PTPRE: variants seen among roughly 807,000 people sequenced by gnomAD.
PTPRE encodes the protein protein tyrosine phosphatase receptor type E.
Under a neutral mutation model 102.0 loss-of-function variants are expected in PTPRE, and 51 were observed. The observed-to-expected ratio is 0.50, with a 90% CI of 0.40 to 0.63. The LOEUF is 0.63. PTPRE is among the 30% of genes least tolerant of loss of function. The probability of loss-of-function intolerance (pLI) is 0.00; values close to 1 mark genes in which losing one functional copy is unlikely to be tolerated. For synonymous variants in PTPRE, 345 were observed against 348.2 expected, an observed-to-expected ratio of 0.99 and a Z score of 0.10; for missense variants, 752 against 915.1, an observed-to-expected ratio of 0.82 and a Z score of 2.30.
At chr10:127,925,448 C>T (rs10830196) in intron 1 of PTPRE, among the ~76,000 whole-genome samples, 50,873 of 151,992 alleles carry the variant, frequency 0.33, 10,312 homozygotes, top group African/African-American at 0.56. Context: ...GGCAATATCC[C>T]GGATCTGACT....
Position 127,919,068 on chromosome 10 carries a change from G to T in PTPRE, c.-31+11759G>T, listed in dbSNP as rs551362599. Among the ~76,000 whole-genome samples, 11 of 152,254 alleles carry T rather than the reference G, an allele frequency of 7.2e-5. No individual in the cohort carries two copies. The South Asian group carries it at 2.3e-3, about 32-fold the overall frequency. ...TTTTGTACCTTTATTTTACACATCA[G>T]ACCTTACCCAGGTACCATTCTGTGC... On this transcript the variant is annotated intron_variant, in intron 1 of 20. Transcript: ENST00000254667.
At position 128,070,845 on chromosome 10, in the gene PTPRE, G is replaced by A; in HGVS notation, c.1331G>A (p.Arg444Lys). 6.2e-7 allele frequency: 1 copy of A among 1,614,168 alleles called. No homozygotes were observed. The highest frequency in any genetic ancestry group is 1.3e-5 in the African/African-American group (1 of 75,058). The change falls in exon 15 of 21, where the codon AGG becomes AAG. Residue 444 changes from arginine (R) to lysine (K), a missense_variant. By Grantham distance (26) the Arg-to-Lys change is conservative. Coordinates refer to ENST00000254667, the MANE Select transcript of PTPRE (RefSeq NM_006504.6). The surrounding 1 kb of genome is among the most constrained non-coding windows in gnomAD (Gnocchi z 4.8). ...TNVRIMKENM[R>K]TGNLPANMKK... ...GTCCGGATCATGAAGGAGAACATGAGGACGGGCAACTTGCCGGCAAACATG... is the reference window on the plus strand; with the variant it reads ...GTCCGGATCATGAAGGAGAACATGAAGACGGGCAACTTGCCGGCAAACATG...
At chr10:128,038,771 C>T (rs1847435109) in intron 2 of PTPRE, among the ~76,000 whole-genome samples, 1 of 152,030 alleles carries the variant, frequency 6.6e-6, no homozygotes, top group African/African-American at 2.4e-5. Flanking sequence ...CAAAACTGCA[C>T]GTTGTGCACA....
chr10:127,907,126 G>A lies in PTPRE; in HGVS notation c.-214G>A, dbSNP rs1282122215. The A allele has an allele frequency of 3.4e-5, 11 of 323,752 alleles. No individual in the cohort carries two copies. The highest frequency in any genetic ancestry group is 6.5e-5 in the Admixed American group (1 of 15,390). The allele number at this position is 323,752 out of a possible 1,614,324, so 20.1% of individuals were successfully genotyped here. ...CCGGACAAATTTCCTGCTAGGCTGC[G>A]GACAGCGGGCGGCAGGAGCCGGCGC... On this transcript the variant is annotated 5_prime_UTR_variant, in exon 1 of 21. Coordinates refer to ENST00000254667, the MANE Select transcript of PTPRE (RefSeq NM_006504.6). This position sits in a 1 kb window ranked among gnomAD's most constrained non-coding sequence, Gnocchi z 4.8.
intron 1 of PTPRE, among the ~76,000 whole-genome samples, chr10:127,954,488 G>A (rs907741776): frequency 1.3e-5 from 2 of 152,124 alleles, no homozygotes; most frequent in African/African-American, 4.8e-5. Context: ...CAACCATCAC[G>A]GCATTCTGCA....
intron 18 of PTPRE, 21 bp from the exon 19 acceptor site, chr10:128,077,596 G>A: frequency 6.3e-7 from 1 of 1,588,920 alleles, no homozygotes. Flanking sequence ...GCGACGCTGA[G>A]ACCCCCTCTC....
At chr10:127,937,515 A>C (rs1305596041) in intron 1 of PTPRE, among the ~76,000 whole-genome samples, 1 of 152,240 alleles carries the variant, frequency 6.6e-6, no homozygotes, top group Non-Finnish European at 1.5e-5. Flanking sequence ...AGGTAGGATC[A>C]ATATCTCGGT....
chr10:127,970,614 G>A (rs900477945), intron 1 of PTPRE, among the ~76,000 whole-genome samples: 6 of 151,938 alleles, frequency 3.9e-5, no homozygotes, highest in Non-Finnish European at 7.4e-5. Flanking sequence ...TAGAGCCACC[G>A]ATGAAATGAT....
chr10:128,034,530 C>A (rs545358927), intron 2 of PTPRE, among the ~76,000 whole-genome samples: 1 of 150,580 alleles, frequency 6.6e-6, no homozygotes, highest in Non-Finnish European at 1.5e-5. Context: ...CCCATCTTTA[C>A]GAAAAAAAGT....
chr10:127,970,900 A>G (rs1266540037), intron 1 of PTPRE, among the ~76,000 whole-genome samples: 1 of 152,110 alleles, frequency 6.6e-6, no homozygotes. Flanking sequence ...TAGTCATTTC[A>G]AAAATAAACC....
chr10:127,995,475 G>T (rs1042984417), intron 2 of PTPRE, among the ~76,000 whole-genome samples: 3 of 152,104 alleles, frequency 2.0e-5, no homozygotes, highest in Admixed American at 2.0e-4. Context: ...GTGGGATCTG[G>T]ATCTGCAGAT....
At chr10:127,985,934 T>TA (rs1026229224) in intron 2 of PTPRE, among the ~76,000 whole-genome samples, 2 of 151,702 alleles carry the variant, frequency 1.3e-5, no homozygotes, top group African/African-American at 2.4e-5. Flanking sequence ...CTACTAAAAA[T>TA]AAAAAAATTA....
intron 1 of PTPRE, among the ~76,000 whole-genome samples, chr10:127,950,819 G>A (rs191059370): frequency 2.2e-3 from 341 of 152,226 alleles, no homozygotes; most frequent in African/African-American, 7.6e-3. Context: ...AAATAGGGTC[G>A]GGCAAAGTGG....
intron 1 of PTPRE, among the ~76,000 whole-genome samples, chr10:127,932,923 G>A (rs1364440346): frequency 1.3e-5 from 2 of 152,184 alleles, no homozygotes; most frequent in African/African-American, 4.8e-5. Flanking sequence ...CTGTGGGCTG[G>A]GGGAGGTCCT....
chr10:127,923,508 AT>A (rs1246967299), intron 1 of PTPRE, among the ~76,000 whole-genome samples: 4 of 145,786 alleles, frequency 2.7e-5, no homozygotes, highest in Non-Finnish European at 3.0e-5. Flanking sequence ...GGTTCAAGTG[AT>A]TCTCCCGCCT....
intron 6 of PTPRE, among the ~76,000 whole-genome samples, chr10:128,051,516 C>A (rs765893551): frequency 7.2e-5 from 11 of 152,342 alleles, no homozygotes; most frequent in Non-Finnish European, 1.3e-4. Flanking sequence ...CTGATACATA[C>A]GGCTTGTCAC....
In PTPRE at chr10:128,070,755, T is replaced by C; in HGVS notation, c.1294-53T>C. On this transcript the variant is annotated intron_variant, in intron 14 of 20. Coordinates refer to ENST00000254667, the MANE Select transcript of PTPRE (RefSeq NM_006504.6). This position sits in a 1 kb window ranked among gnomAD's most constrained non-coding sequence, Gnocchi z 4.8. ...AGCACTAGTCCTCGGCTGAGCAATG[T>C]GCTCAGGAGTGTCAGAGGTTTAACT... 6.4e-6 allele frequency: 10 copies of C among 1,562,542 alleles called. No individual in the cohort carries two copies. The highest frequency in any genetic ancestry group is 1.4e-5 in the African/African-American group (1 of 73,988).
At chr10:128,027,681 C>T (rs1254889711) in intron 2 of PTPRE, among the ~76,000 whole-genome samples, 1 of 152,196 alleles carries the variant, frequency 6.6e-6, no homozygotes, top group Non-Finnish European at 1.5e-5. Flanking sequence ...CATTTCCACA[C>T]CAGCATTCGT....
At position 127,944,405 on chromosome 10, in the gene PTPRE, T is replaced by C. The variant is rs935651555; in HGVS notation, c.-31+37096T>C. On this transcript the variant is annotated intron_variant, in intron 1 of 20. Transcript: ENST00000254667. The surrounding 1 kb of genome is among the most constrained non-coding windows in gnomAD (Gnocchi z 4.2). ...ATATGTGGATGGATGGATGGATGGA[T>C]GGATGGATGCATGCATGGATAAGTG... 9.9e-5 allele frequency among the ~76,000 whole-genome samples: 15 copies of C among 151,044 alleles called. No homozygotes were observed. Among genetic ancestry groups the C allele is most frequent in the African/African-American group, 3.7e-4 (15 of 41,002 alleles).
Sources: gnomAD v4.1 joint callset for allele counts (sites outside exome capture counted in the v4.1 genomes callset) on GRCh38, gnomAD v4.1.1 for gene constraint, Gnocchi (gnomAD v3.1) non-coding constraint, MANE v1.5 for transcripts, NCBI Gene and HGNC (gene_info 2026-07-23, HGNC 2026-07-21) for gene names.